The following PPARGC1A variants were observed in gnomAD, a reference collection of about 807,000 sequenced individuals.
The protein encoded by PPARGC1A is PPARG coactivator 1 alpha.
In PPARGC1A, 25 loss-of-function variants were observed where a neutral mutation model predicts 88.7. The observed-to-expected ratio is 0.28, with a 90% CI of 0.21 to 0.39. PPARGC1A has a LOEUF of 0.39. Ranked by LOEUF, PPARGC1A falls within the 10% of genes least tolerant of loss-of-function variation. PPARGC1A has a pLI of 1.00. For synonymous variants in PPARGC1A, 363 were observed against 355.6 expected (o/e 1.02, Z -0.24); for missense variants, 880 against 968.7 (o/e 0.91, Z 1.22).
At chr4:24,054,927 C>T in the PPARGC1A span, among the ~76,000 whole-genome samples, 3 of 152,174 alleles carry the variant, frequency 2.0e-5, no homozygotes, top group Admixed American at 6.5e-5. Context: ...TACTAAATTG[C>T]ATTAGGCATT....
chr4:23,945,916 T>C, the PPARGC1A span, among the ~76,000 whole-genome samples: 1 of 152,204 alleles, frequency 6.6e-6, no homozygotes, highest in Non-Finnish European at 1.5e-5. Flanking sequence ...GCCAGCCGCA[T>C]GTGACCTGCA....
the PPARGC1A span, among the ~76,000 whole-genome samples, chr4:24,261,445 C>T: frequency 1.3e-5 from 2 of 152,184 alleles, no homozygotes; most frequent in Non-Finnish European, 2.9e-5. Context: ...AACCAAGATA[C>T]CCATCTCTGG....
the PPARGC1A span, among the ~76,000 whole-genome samples, chr4:24,329,445 C>G: frequency 6.6e-6 from 1 of 152,112 alleles, no homozygotes; most frequent in Non-Finnish European, 1.5e-5. Context: ...CCCCAAACCT[C>G]CTGCACTCAA....
At chr4:24,286,074 C>T in the PPARGC1A span, among the ~76,000 whole-genome samples, 1 of 152,064 alleles carries the variant, frequency 6.6e-6, no homozygotes, top group Non-Finnish European at 1.5e-5. Flanking sequence ...TGAACCCATA[C>T]AGGCTTTCCC....
the PPARGC1A span, among the ~76,000 whole-genome samples, chr4:24,206,840 T>TAAA: frequency 1.5e-3 from 64 of 43,676 alleles, 2 homozygotes; most frequent in African/African-American, 4.6e-3. Context: ...GACTTCACCT[T>TAAA]AAAAAAAAAA....
At chr4:24,117,073 A>T in the PPARGC1A span, among the ~76,000 whole-genome samples, 2 of 152,142 alleles carry the variant, frequency 1.3e-5, no homozygotes, top group African/African-American at 2.4e-5. Context: ...CAGAAAATAC[A>T]TATATTTTAG....
intron 1 of PPARGC1A, among the ~76,000 whole-genome samples, chr4:23,895,285 C>T (rs1050141634): frequency 2.7e-5 from 4 of 150,352 alleles, no homozygotes; most frequent in Admixed American, 1.3e-4. Flanking sequence ...TGCAAATAGT[C>T]TCAAAAAGGT....
the PPARGC1A span, among the ~76,000 whole-genome samples, chr4:24,084,675 C>T: frequency 1.3e-5 from 2 of 152,138 alleles, no homozygotes; most frequent in South Asian, 2.1e-4. Flanking sequence ...AGGTCTCTCC[C>T]AGCCTTATGA....
At chr4:24,415,256 G>A in the PPARGC1A span, among the ~76,000 whole-genome samples, 1 of 151,950 alleles carries the variant, frequency 6.6e-6, no homozygotes, top group African/African-American at 2.4e-5. Flanking sequence ...ACAGAGAAGA[G>A]GAGCTGGGGT....
chr4:24,002,085 CACACACACACACAGAG>C, the PPARGC1A span, among the ~76,000 whole-genome samples: 1 of 138,848 alleles, frequency 7.2e-6, no homozygotes, highest in African/African-American at 2.9e-5. Flanking sequence ...CACACACACA[CACACACACACACAGAG>C]AGAGAGAGAG....
chr4:23,858,873 A>G (rs1204565690), intron 2 of PPARGC1A, among the ~76,000 whole-genome samples: 1 of 151,144 alleles, frequency 6.6e-6, no homozygotes, highest in African/African-American at 2.4e-5. Flanking sequence ...GGCTGAGTTG[A>G]AATATAAATA....
At position 23,898,895 on chromosome 4, in the gene PPARGC1A, G is replaced by C. The variant is rs563609260; in HGVS notation, n.52+372C>G. 1.1e-3 allele frequency among the ~76,000 whole-genome samples: 170 copies of C among 150,038 alleles called. 2 individuals are homozygous for C. The South Asian group carries it at 0.02, about 17-fold the overall frequency. On this transcript the variant is annotated intron_variant and non_coding_transcript_variant, in intron 1 of 3. Coordinates refer to the PPARGC1A transcript ENST00000507342. ...TTTTTGCCCAGGCTGGAATACAGTG[G>C]TGCAATCTCAGCTCACTGCAACCTC...
At chr4:24,222,071 A>G in the PPARGC1A span, among the ~76,000 whole-genome samples, 1 of 152,320 alleles carries the variant, frequency 6.6e-6, no homozygotes, top group Middle Eastern at 3.4e-3. Context: ...TTCAGGGACC[A>G]TCTCCAAGGG....
upstream of PPARGC1A, among the ~76,000 whole-genome samples, chr4:23,907,250 A>G (rs1006118938): frequency 5.3e-5 from 8 of 152,332 alleles, no homozygotes; most frequent in Admixed American, 4.6e-4. Flanking sequence ...AACGAAACAT[A>G]AACCACTGAT....
the PPARGC1A span, among the ~76,000 whole-genome samples, chr4:24,208,880 T>C: frequency 6.6e-6 from 1 of 152,136 alleles, no homozygotes; most frequent in African/African-American, 2.4e-5. Flanking sequence ...TTCTTCTTTA[T>C]GCTTTATCAG....
the PPARGC1A span, among the ~76,000 whole-genome samples, chr4:24,412,404 A>G: frequency 6.6e-6 from 1 of 152,122 alleles, no homozygotes; most frequent in Non-Finnish European, 1.5e-5. Context: ...GGGAAAAAAA[A>G]CAAAAGAAGA....
the PPARGC1A span, among the ~76,000 whole-genome samples, chr4:23,923,191 T>C: frequency 8.6e-5 from 13 of 151,744 alleles, no homozygotes; most frequent in South Asian, 2.1e-3. Flanking sequence ...AGTCTTGCCA[T>C]GGTTTTGAGT....
chr4:24,231,795 T>A, the PPARGC1A span, among the ~76,000 whole-genome samples: 1 of 152,016 alleles, frequency 6.6e-6, no homozygotes, highest in Non-Finnish European at 1.5e-5. Context: ...TTGTCAAATA[T>A]AATAGTGCCA....
At chr4:24,213,855 G>T in the PPARGC1A span, among the ~76,000 whole-genome samples, 3 of 152,192 alleles carry the variant, frequency 2.0e-5, no homozygotes, top group African/African-American at 7.2e-5. Flanking sequence ...TTATATGTTT[G>T]TACAGAGATA....
Sources: gnomAD v4.1 joint callset for allele counts (sites outside exome capture counted in the v4.1 genomes callset) on GRCh38, gnomAD v4.1.1 for gene constraint, MANE v1.5 for transcripts, NCBI Gene and HGNC (gene_info 2026-07-23, HGNC 2026-07-21) for gene names.